Variants in MAP7 observed in about 807,000 individuals in gnomAD.
The protein encoded by MAP7 is microtubule associated protein 7.
MAP7 carries 52 observed loss-of-function variants against 94.8 expected under a neutral mutation model. That is an observed-to-expected ratio of 0.55 (90% CI 0.44 to 0.69). MAP7 has a LOEUF of 0.69. Among genes scored for constraint, MAP7 ranks in the 30% least tolerant of loss-of-function variants. The pLI, the probability that MAP7 is intolerant of heterozygous loss-of-function variation, is 0.00. For missense variants in MAP7, 940 were observed against 964.6 expected (o/e 0.97, Z 0.34); for synonymous variants, 350 against 357.0 (o/e 0.98, Z 0.22).
chr6:136,347,082 A>G (rs1038898761), intron 16 of MAP7, among the ~76,000 whole-genome samples: 3 of 150,140 alleles, frequency 2.0e-5, no homozygotes, highest in Non-Finnish European at 2.9e-5. Flanking sequence ...TTAATCTTCT[A>G]TGGTTTGTCT....
chr6:136,361,264 G>T (rs1357039388), intron 11 of MAP7, 85 bp from the exon 12 acceptor site: 1 of 1,464,500 alleles, frequency 6.8e-7, no homozygotes, highest in Non-Finnish European at 9.3e-7. Context: ...GTTCTGTAGG[G>T]CGGTTCCTTT....
intron 1 of MAP7, among the ~76,000 whole-genome samples, chr6:136,477,354 T>C (rs1811261457): frequency 6.6e-6 from 1 of 152,138 alleles, no homozygotes; most frequent in Admixed American, 6.5e-5. Context: ...TATCATGAAC[T>C]ACAAAGACAG....
intron 2 of MAP7, among the ~76,000 whole-genome samples, chr6:136,414,074 C>A (rs1366337389): frequency 4.0e-5 from 6 of 151,178 alleles, no homozygotes; most frequent in African/African-American, 7.3e-5. Flanking sequence ...AAGGTGAAAC[C>A]CCGTCTCTAC....
intron 1 of MAP7, among the ~76,000 whole-genome samples, chr6:136,461,028 A>G (rs1206625865): frequency 1.3e-5 from 2 of 152,170 alleles, no homozygotes; most frequent in African/African-American, 2.4e-5. Flanking sequence ...TATACAGCTG[A>G]CACAATTAAG....
chr6:136,370,854 T>TC, intron 8 of MAP7, among the ~76,000 whole-genome samples: 1 of 152,056 alleles, frequency 6.6e-6, no homozygotes, highest in Non-Finnish European at 1.5e-5. Context: ...TGAATATACT[T>TC]AACACTGCTG....
chr6:136,411,511 A>G (rs1787440201), intron 3 of MAP7, 109 bp downstream of exon 3: 4 of 876,174 alleles, frequency 4.6e-6, no homozygotes, highest in Non-Finnish European at 5.3e-6. Flanking sequence ...ATCACATACT[A>G]AATTCTGCCT....
chr6:136,498,203 A>T (rs1309610148), intron 1 of MAP7, among the ~76,000 whole-genome samples: 1 of 152,112 alleles, frequency 6.6e-6, no homozygotes, highest in East Asian at 1.9e-4. Context: ...CTCTTCAGAT[A>T]CAAAGAAAGA....
chr6:136,519,526 A>G (rs1288354880), intron 1 of MAP7, among the ~76,000 whole-genome samples: 1 of 152,224 alleles, frequency 6.6e-6, no homozygotes, highest in Non-Finnish European at 1.5e-5. Flanking sequence ...CATGACTTAG[A>G]AAAGGACATT....
rs796884421 is a variant in MAP7, at chr6:136,353,877, A to T, written c.2015+2815T>A. 3.9e-5 allele frequency among the ~76,000 whole-genome samples: 6 copies of T among 152,152 alleles called. No individual in the cohort carries two copies. In the South Asian group the frequency reaches 1.2e-3, roughly 32 times the overall value. On this transcript the variant is annotated intron_variant, in intron 16 of 17. Coordinates refer to ENST00000354570, the MANE Select transcript of MAP7 (RefSeq NM_003980.6). ...TGGTATTTAGTATTTGAGGGGCAAA[A>T]GCATTTAGGTGGCTACTGCAAACAT...
At chr6:136,441,858 T>A (rs1797964488) in intron 1 of MAP7, among the ~76,000 whole-genome samples, 1 of 151,958 alleles carries the variant, frequency 6.6e-6, no homozygotes, top group South Asian at 2.1e-4. Flanking sequence ...CTACAAAAAA[T>A]AAAATTAGTT....
chr6:136,513,657 C>A (rs545391106), intron 1 of MAP7, among the ~76,000 whole-genome samples: 5 of 152,206 alleles, frequency 3.3e-5, no homozygotes, highest in African/African-American at 1.2e-4. Context: ...AGTGATAATG[C>A]GACCTGAGTA....
intron 1 of MAP7, among the ~76,000 whole-genome samples, chr6:136,516,820 C>G (rs975620003): frequency 1.3e-5 from 2 of 152,016 alleles, no homozygotes; most frequent in African/African-American, 4.8e-5. Context: ...CAAAAATAAG[C>G]CTGGATACAT....
intron 15 of MAP7, 41 bp downstream of exon 15, chr6:136,359,779 A>G: frequency 6.3e-7 from 1 of 1,576,198 alleles, no homozygotes; most frequent in South Asian, 1.2e-5. Context: ...CAATTTAAAC[A>G]TTTTATATAT....
chr6:136,542,126 A>T (rs1829374289), intron 1 of MAP7, among the ~76,000 whole-genome samples: 1 of 152,218 alleles, frequency 6.6e-6, no homozygotes, highest in Non-Finnish European at 1.5e-5. Context: ...CTTTTTCAAC[A>T]GGCTATTTCT....
chr6:136,413,445 C>T (rs894215909), intron 2 of MAP7, among the ~76,000 whole-genome samples: 6 of 151,158 alleles, frequency 4.0e-5, no homozygotes, highest in Admixed American at 1.3e-4. Flanking sequence ...TCGCTTGAAT[C>T]CGGGAGGTGG....
At chr6:136,360,923 G>A (rs1792490037) in intron 12 of MAP7, 82 bp downstream of exon 12, 8 of 1,544,720 alleles carry the variant, frequency 5.2e-6, no homozygotes, top group Non-Finnish European at 6.1e-6. Context: ...AGCACCAGCA[G>A]TCCAGTCCGC....
At chr6:136,516,186 G>A (rs1198951373) in intron 1 of MAP7, among the ~76,000 whole-genome samples, 5 of 151,472 alleles carry the variant, frequency 3.3e-5, no homozygotes, top group Non-Finnish European at 5.9e-5. Context: ...TTTGAGACAA[G>A]GTCTCACTCT....
intron 1 of MAP7, among the ~76,000 whole-genome samples, chr6:136,467,354 C>A (rs1381624813): frequency 6.6e-6 from 1 of 152,092 alleles, no homozygotes; most frequent in Non-Finnish European, 1.5e-5. Flanking sequence ...ATCAGTCAGG[C>A]AGAGTGGCCT....
intron 3 of MAP7, among the ~76,000 whole-genome samples, chr6:136,402,478 A>G (rs1784360285): frequency 6.6e-6 from 1 of 152,220 alleles, no homozygotes; most frequent in Non-Finnish European, 1.5e-5. Context: ...GTGCTCCTGC[A>G]CAGAGGGTCC....
Sources: gnomAD v4.1 joint callset for allele counts (sites outside exome capture counted in the v4.1 genomes callset) on GRCh38, gnomAD v4.1.1 for gene constraint, MANE v1.5 for transcripts, NCBI Gene and HGNC (gene_info 2026-07-23, HGNC 2026-07-21) for gene names.